The following RTEL1 variants were observed in gnomAD, a reference collection of about 807,000 sequenced individuals.
RTEL1 encodes the protein regulator of telomere elongation helicase 1.
Under a neutral mutation model 162.2 loss-of-function variants are expected in RTEL1, and 86 were observed. The observed-to-expected ratio is 0.53, with a 90% CI of 0.45 to 0.63. The LOEUF is 0.63. Ranked by LOEUF, RTEL1 falls within the 30% of genes least tolerant of loss-of-function variation. The pLI is 0.00. For missense variants in RTEL1, 1,941 were observed against 1,750.2 expected, an observed-to-expected ratio of 1.11 and a Z score of -1.95; for synonymous variants, 958 against 717.9, an observed-to-expected ratio of 1.33 and a Z score of -5.35.
rs1462690442 is a variant in RTEL1 at position 63,667,624 on chromosome 20, C to G, written c.699+71C>G. On this transcript the variant is annotated intron_variant, in intron 8 of 34. Transcript: ENST00000360203. ...GTCCCTGGGCTTGGGAACAGCTGTC[C>G]GAGCCTTTGCTGCTTCAGGGCCTTA... 1.3e-5 allele frequency: 16 copies of G among 1,251,746 alleles called. No homozygotes were observed. In the East Asian group the frequency reaches 1.6e-4, roughly 13 times the overall value. The allele number at this position is 1,251,746 out of a possible 1,614,324, so 77.5% of individuals were successfully genotyped here. A position where few individuals can be genotyped will look rare whatever the true frequency, so the allele number is the denominator to read the frequency against.
chr20:63,660,034 C>T (rs1346043945), intron 2 of RTEL1, among the ~76,000 whole-genome samples: 2 of 152,138 alleles, frequency 1.3e-5, no homozygotes, highest in Non-Finnish European at 2.9e-5. Context: ...TGCTTTTCTC[C>T]ACCCAAACAT....
intron 7 of RTEL1, 88 bp from the exon 8 acceptor site, chr20:63,667,381 G>A: frequency 2.9e-6 from 3 of 1,032,950 alleles, no homozygotes; most frequent in East Asian, 4.8e-5. Context: ...CAGGATGAGG[G>A]CTCCTTCCGG....
At chr20:63,693,114 G>C (rs758355784) in intron 29 of RTEL1, 29 bp from the exon 30 acceptor site, 2 of 1,612,204 alleles carry the variant, frequency 1.2e-6, no homozygotes, top group South Asian at 1.1e-5. Flanking sequence ...AAAAGGGGCA[G>C]ATGGGGACAG....
chr20:63,692,651 C>G lies in RTEL1; in HGVS notation c.2653-154C>G, dbSNP rs764458484. ...ACAGCTTTCTTCCCGCAGCCCCTCC[C>G]TATGTCCATCCAGCCAGCCAGTTTC... On this transcript the variant is annotated intron_variant, in intron 28 of 34. Coordinates refer to ENST00000360203, the MANE Select transcript of RTEL1 (RefSeq NM_001283009.2). The G allele has an allele frequency of 4.2e-6, 3 of 707,604 alleles. No individual in the cohort carries two copies. The East Asian group carries it at 8.2e-5, about 19-fold the overall frequency. The allele number at this position is 707,604 out of a possible 1,614,324, so 43.8% of individuals were successfully genotyped here.
At chr20:63,660,317 A>G (rs911538109) in intron 2 of RTEL1, among the ~76,000 whole-genome samples, 1 of 152,190 alleles carries the variant, frequency 6.6e-6, no homozygotes, top group Non-Finnish European at 1.5e-5. Flanking sequence ...GCCATATTTC[A>G]GACTATCACA....
rs1394884130 is a variant in RTEL1 at position 63,692,857 on chromosome 20, C to T, written c.2705C>T (p.Ala902Val). Residue 902 changes from alanine (A) to valine (V), a missense_variant, in exon 29 of 35, where the codon GCC becomes GTC. By Grantham distance (64) the Ala-to-Val change is moderately conservative. Transcript: ENST00000360203. ...QTDRAKLFMV[A>V]VKQELSQANF... The stretch of plus-strand genomic sequence containing the variant: ...GACAGGGCCAAGCTCTTCATGGTGG[C>T]CGTGAAGCAGGAGTTGAGCCAAGCC... 6.2e-7 allele frequency: 1 copy of T among 1,612,638 alleles called. No homozygotes were observed. The highest frequency in any genetic ancestry group is 8.5e-7 in the Non-Finnish European group (1 of 1,179,856).
chr20:63,676,338 C>T (rs2090348751), intron 10 of RTEL1, among the ~76,000 whole-genome samples: 1 of 152,164 alleles, frequency 6.6e-6, no homozygotes, highest in Non-Finnish European at 1.5e-5. Context: ...GGGGCAGCCA[C>T]ACGAGTTCCC....
Position 63,690,787 on chromosome 20 carries a change from A to G in RTEL1, c.2414-18A>G. ...GGGCCCCCCGTGGGCTTCACTGCGC[A>G]CTCGGGTGCCCCTGCAGGGTCACCA... On this transcript the variant is annotated intron_variant, in intron 26 of 34. Coordinates refer to ENST00000360203, the MANE Select transcript of RTEL1 (RefSeq NM_001283009.2). The G allele has an allele frequency of 1.3e-6, 2 of 1,592,754 alleles. No homozygotes were observed. The highest frequency in any genetic ancestry group is 2.3e-4 in the Middle Eastern group (1 of 4,406).
rs999309460 is a variant in RTEL1 at position 63,687,768 on chromosome 20, G to A, written c.1479G>A (p.Gln493=). The A allele has an allele frequency of 6.4e-7, 1 of 1,571,530 alleles. No individual in the cohort carries two copies. Among genetic ancestry groups the A allele is most frequent in the African/African-American group, 1.4e-5 (1 of 74,040 alleles). ...APVSSFALEM[Q]IPFPVCLENP... is the part of the protein sequence containing the mutation. Reference sequence around the variant, plus strand: ...TGTCCTCCTTTGCTCTGGAGATGCAGATGTACGGGCCACCCCTGCCAGGGC... The same window carrying A: ...TGTCCTCCTTTGCTCTGGAGATGCAAATGTACGGGCCACCCCTGCCAGGGC... The change falls in exon 17 of 35, where the codon CAG becomes CAA. Residue 493 remains glutamine, a splice_region_variant and synonymous_variant. Transcript: ENST00000360203.
chr20:63,684,573 T>G (rs2090549494), intron 14 of RTEL1, among the ~76,000 whole-genome samples: 1 of 152,118 alleles, frequency 6.6e-6, no homozygotes, highest in Non-Finnish European at 1.5e-5. Context: ...CAGGATGGTC[T>G]CGATCTCCTG....
intron 4 of RTEL1, 86 bp from the exon 5 acceptor site, chr20:63,662,460 G>C (rs191565911): frequency 6.3e-7 from 1 of 1,585,466 alleles, no homozygotes; most frequent in African/African-American, 1.3e-5. Context: ...AGGCTCCTGC[G>C]TGTCTCCATA....
At position 63,661,208 on chromosome 20, in the gene RTEL1, C is replaced by A; in HGVS notation, c.103-90C>A. The A allele has an allele frequency of 8.1e-7, 1 of 1,241,166 alleles. No individual in the cohort carries two copies. The highest frequency in any genetic ancestry group is 1.3e-5 in the South Asian group (1 of 76,208). 76.9% of individuals were successfully genotyped at this position (1,241,166 alleles called of 1,614,324 possible). A position where few individuals can be genotyped will look rare whatever the true frequency, so the allele number is the denominator to read the frequency against. ...GGCCTCTGCATCTGCAAAGAGCTGC[C>A]CGCTGGCTGCCGAAGCTTGTCTCAG... On this transcript the variant is annotated intron_variant, in intron 2 of 34. Transcript: ENST00000360203. This position sits in a 1 kb window ranked among gnomAD's most constrained non-coding sequence, Gnocchi z 5.1.
intron 8 of RTEL1, among the ~76,000 whole-genome samples, chr20:63,671,394 A>G (rs1023412684): frequency 1.3e-5 from 2 of 152,018 alleles, no homozygotes; most frequent in African/African-American, 4.8e-5. Flanking sequence ...GTGACACTCT[A>G]TTAATAGAAA....
chr20:63,688,757 G>C, intron 21 of RTEL1, 152 bp downstream of exon 21: 1 of 693,734 alleles, frequency 1.4e-6, no homozygotes, highest in Middle Eastern at 3.9e-4. Flanking sequence ...CTGGCCCTGA[G>C]TGTTGCCTCT....
At chr20:63,692,705 C>G in intron 28 of RTEL1, 100 bp from the exon 29 acceptor site, 2 of 1,185,792 alleles carry the variant, frequency 1.7e-6, no homozygotes, top group South Asian at 2.7e-5. Context: ...TCGGCAGTCA[C>G]TGTCCCAGGG....
chr20:63,693,961 C>G (rs1483863887), intron 30 of RTEL1, among the ~76,000 whole-genome samples: 1 of 151,518 alleles, frequency 6.6e-6, no homozygotes, highest in African/African-American at 2.4e-5. Flanking sequence ...GTTTCTGCCT[C>G]TGTTTGGGGT....
rs768223828 is a variant in RTEL1, at chr20:63,659,433, G to A, written c.31G>A (p.Val11Ile). 4 of 1,614,032 alleles carry A rather than the reference G, an allele frequency of 2.5e-6. No individual in the cohort carries two copies. The Admixed American group carries it at 5.0e-5, about 20-fold the overall frequency. The change falls in exon 2 of 35, where the codon GTA becomes ATA. Residue 11 changes from valine to isoleucine, a missense_variant. By Grantham distance (29) the Val-to-Ile change is conservative (BLOSUM62 3). Transcript: ENST00000360203. Reference sequence around the variant, plus strand: ...CAAGATAGTCCTGAATGGTGTGACCGTAGACTTCCCTTTCCAGCCCTACAA... The same window carrying A: ...CAAGATAGTCCTGAATGGTGTGACCATAGACTTCCCTTTCCAGCCCTACAA... Reference protein sequence around the residue: MPKIVLNGVTVDFPFQPYKCQ... With the variant: MPKIVLNGVTIDFPFQPYKCQ...
chr20:63,694,299 G>GGCCCGCCCC, intron 30 of RTEL1, 73 bp from the exon 31 acceptor site: 16 of 841,712 alleles, frequency 1.9e-5, no homozygotes, highest in East Asian at 5.6e-5. Flanking sequence ...TCCCTAGCCA[G>GGCCCGCCCC]CCCTGCCCCC....
chr20:63,693,444 A>ACCT (rs2090825651), intron 30 of RTEL1, among the ~76,000 whole-genome samples, 161 bp downstream of exon 30: 1 of 126,998 alleles, frequency 7.9e-6, no homozygotes, highest in Non-Finnish European at 1.7e-5. Context: ...CACCAGCACC[A>ACCT]GCAGCACCAC....
Sources: allele counts gnomAD v4.1 joint callset (sites outside exome capture counted in the v4.1 genomes callset), GRCh38; gene constraint gnomAD v4.1.1; non-coding constraint Gnocchi (gnomAD v3.1); transcripts MANE v1.5; gene names NCBI Gene and HGNC (gene_info 2026-07-23, HGNC 2026-07-21).